TPBG: variants seen among roughly 807,000 people sequenced by gnomAD.
The protein encoded by TPBG is trophoblast glycoprotein.
In TPBG, 13 loss-of-function variants were observed where a neutral mutation model predicts 19.3. The ratio of observed to expected loss-of-function variants is 0.67; its 90% CI spans 0.44 to 1.07. The LOEUF (loss-of-function observed/expected upper bound fraction) is 1.07. Among genes scored for constraint, TPBG ranks in the 50% least tolerant of loss-of-function variants. The pLI is 0.00. For synonymous variants in TPBG, 338 were observed against 259.8 expected, an observed-to-expected ratio of 1.30 and a Z score of -2.89; for missense variants, 642 against 559.6, an observed-to-expected ratio of 1.15 and a Z score of -1.49.
At position 82,365,268 on chromosome 6, in the gene TPBG, C is replaced by T; in HGVS notation, c.307C>T (p.Leu103=). ...CAACCTCTTCCTTACCGGCAACCAG[C>T]TGGCCGTGCTCCCTGCCGGCGCCTT... The part of the protein sequence containing the change: ...VRNLFLTGNQ[L]AVLPAGAFAR... The change falls in exon 2 of 2, where the codon CTG becomes TTG. Residue 103 remains leucine (L), a synonymous_variant. Coordinates refer to ENST00000369750, the MANE Select transcript of TPBG (RefSeq NM_001376922.1). 6.3e-7 allele frequency: 1 copy of T among 1,577,480 alleles called. No homozygotes were observed. Among genetic ancestry groups the T allele is most frequent in the Non-Finnish European group, 8.5e-7 (1 of 1,170,302 alleles).
Position 82,365,730 on chromosome 6 carries a change from C to G in TPBG, c.769C>G (p.Leu257Val), listed in dbSNP as rs141575389. The G allele has an allele frequency of 1.9e-6, 3 of 1,613,000 alleles. No homozygotes were observed. In the African/African-American group the frequency reaches 4.0e-5, roughly 22 times the overall value. Reference protein sequence around the residue: ...VSLTYVSFRNLTHLESLHLED... With the variant: ...VSLTYVSFRNVTHLESLHLED... ...CCTGACCTACGTGTCCTTCCGCAAC[C>G]TGACACATCTAGAAAGCCTCCACCT... The change falls in exon 2 of 2, where the codon CTG becomes GTG. Residue 257 changes from leucine to valine, a missense_variant. By Grantham distance (32) the Leu-to-Val change is conservative. Transcript: ENST00000369750.
rs768030981 is a variant in TPBG at position 82,365,317 on chromosome 6, A to G, written c.356A>G (p.Glu119Gly). Residue 119 changes from glutamate (E) to glycine (G), a missense_variant, in exon 2 of 2, where the codon GAG (glutamate) becomes GGG (glycine). Coordinates refer to ENST00000369750, the MANE Select transcript of TPBG (RefSeq NM_001376922.1). ...GAFARRPPLA[E>G]LAALNLSGSR... Reference sequence around the variant, plus strand: ...TTCGCCCGCCGGCCGCCGCTGGCGGAGCTGGCCGCGCTCAACCTCAGCGGC... The same window carrying G: ...TTCGCCCGCCGGCCGCCGCTGGCGGGGCTGGCCGCGCTCAACCTCAGCGGC... The G allele has an allele frequency of 2.5e-6, 4 of 1,571,636 alleles. No individual in the cohort carries two copies. The African/African-American group carries it at 5.6e-5, about 22-fold the overall frequency.
At position 82,365,071 on chromosome 6, in the gene TPBG, C is replaced by T; in HGVS notation, c.110C>T (p.Ser37Leu). The T allele has an allele frequency of 3.9e-6, 6 of 1,557,358 alleles. No homozygotes were observed. The highest frequency in any genetic ancestry group is 1.4e-5 in the African/African-American group (1 of 73,006). Residue 37 changes from serine to leucine, a missense_variant, in exon 2 of 2, where the codon TCG becomes TTG. Ser to Leu is a moderately radical substitution (Grantham distance 145, BLOSUM62 -2). Coordinates refer to ENST00000369750, the MANE Select transcript of TPBG (RefSeq NM_001376922.1). ...GTCTCCTCGTCTTCTCCCACCTCCT[C>T]GGCATCCTCCTTCTCCTCCTCGGCG... is the stretch of plus-strand genomic sequence containing the variant. ...GWVSSSSPTSSASSFSSSAPF... is the reference protein window; with the variant it reads ...GWVSSSSPTSLASSFSSSAPF...
rs201599531 is a variant in TPBG, at chr6:82,365,696, G to T, written c.735G>T (p.Ser245=). The change falls in exon 2 of 2, where the codon TCG becomes TCT. Residue 245 remains serine, a synonymous_variant. Coordinates refer to ENST00000369750, the MANE Select transcript of TPBG (RefSeq NM_001376922.1). The stretch of plus-strand genomic sequence containing the variant: ...GGCACCTGGACTTAAGTAATAATTC[G>T]CTGGTGAGCCTGACCTACGTGTCCT... ...SLRHLDLSNN[S]LVSLTYVSFR... 44 of 1,605,914 alleles carry T rather than the reference G, an allele frequency of 2.7e-5. No homozygotes were observed. Among genetic ancestry groups the T allele is most frequent in the African/African-American group, 1.9e-4 (14 of 74,708 alleles).
Position 82,365,025 on chromosome 6 carries a change from G to A in TPBG, c.64G>A (p.Ala22Thr), listed in dbSNP as rs145958471. 1 of 1,541,698 alleles carries A rather than the reference G, an allele frequency of 6.5e-7. No homozygotes were observed. Among genetic ancestry groups the A allele is most frequent in the African/African-American group, 1.4e-5 (1 of 71,442 alleles). The stretch of plus-strand genomic sequence containing the variant: ...CGGGCGTCTGCGGCTGGCGCGACTA[G>A]CGCTGGTACTCCTGGGCTGGGTCTC... ...GDGRLRLARL[A>T]LVLLGWVSSS... Residue 22 changes from alanine to threonine, a missense_variant, in exon 2 of 2, where the codon GCG becomes ACG. By Grantham distance (58) the Ala-to-Thr change is moderately conservative. Transcript: ENST00000369750.
chr6:82,365,897 A>G lies in TPBG; in HGVS notation c.936A>G (p.Thr312=). 6.2e-7 allele frequency: 1 copy of G among 1,614,216 alleles called. No individual in the cohort carries two copies. The highest frequency in any genetic ancestry group is 8.5e-7 in the Non-Finnish European group (1 of 1,180,036). The change falls in exon 2 of 2, where the codon ACA becomes ACG. Residue 312 remains threonine, a synonymous_variant. Coordinates refer to ENST00000369750, the MANE Select transcript of TPBG (RefSeq NM_001376922.1). ...ACATGGTGACCTGGCTCAAGGAAAC[A>G]GAGGTAGTGCAGGGCAAAGACCGGC... The part of the protein sequence containing the change: ...MADMVTWLKE[T]EVVQGKDRLT...
At position 82,365,920 on chromosome 6, in the gene TPBG, G is replaced by A; in HGVS notation, c.959G>A (p.Arg320Gln). The A allele has an allele frequency of 1.9e-6, 3 of 1,614,156 alleles. No homozygotes were observed. Among genetic ancestry groups the A allele is most frequent in the Non-Finnish European group, 1.7e-6 (2 of 1,180,030 alleles). Residue 320 changes from arginine (R) to glutamine (Q), a missense_variant, in exon 2 of 2, where the codon CGG (arginine) becomes CAG (glutamine). Transcript: ENST00000369750. ...ACAGAGGTAGTGCAGGGCAAAGACC[G>A]GCTCACCTGTGCATATCCGGAAAAA... ...KETEVVQGKD[R>Q]LTCAYPEKMR... is the part of the protein sequence containing the mutation.
In TPBG at chr6:82,365,187, A is replaced by G; in HGVS notation, c.226A>G (p.Lys76Glu). The G allele has an allele frequency of 1.2e-6, 2 of 1,600,050 alleles. No homozygotes were observed. The highest frequency in any genetic ancestry group is 1.7e-6 in the Non-Finnish European group (2 of 1,175,030). The change falls in exon 2 of 2, where the codon AAG becomes GAG. Residue 76 changes from lysine to glutamate, a missense_variant. Lys to Glu is a moderately conservative substitution (Grantham distance 56). Coordinates refer to ENST00000369750, the MANE Select transcript of TPBG (RefSeq NM_001376922.1). Reference sequence around the variant, plus strand: ...GTGCTCCGAGGCAGCGCGCACAGTCAAGTGCGTTAACCGCAATCTGACCGA... The same window carrying G: ...GTGCTCCGAGGCAGCGCGCACAGTCGAGTGCGTTAACCGCAATCTGACCGA... ...CECSEAARTVKCVNRNLTEVP... is the reference protein window; with the variant it reads ...CECSEAARTVECVNRNLTEVP...
Position 82,365,410 on chromosome 6 carries a change from G to T in TPBG, c.449G>T (p.Ser150Ile). The T allele has an allele frequency of 6.2e-7, 1 of 1,607,190 alleles. No individual in the cohort carries two copies. The highest frequency in any genetic ancestry group is 8.5e-7 in the Non-Finnish European group (1 of 1,177,662). Residue 150 changes from serine to isoleucine, a missense_variant, in exon 2 of 2, where the codon AGC becomes ATC. Ser to Ile is a moderately radical substitution (Grantham distance 142). Transcript: ENST00000369750. ...HLPSLRQLDLSHNPLADLSPF... is the reference protein window; with the variant it reads ...HLPSLRQLDLIHNPLADLSPF... Reference sequence around the variant, plus strand: ...CCCAGCCTGCGCCAGCTCGACCTCAGCCACAACCCACTGGCCGACCTCAGT... The same window carrying T: ...CCCAGCCTGCGCCAGCTCGACCTCATCCACAACCCACTGGCCGACCTCAGT...
In TPBG at chr6:82,365,219, C is replaced by T. The variant is rs150807599; in HGVS notation, c.258C>T (p.Pro86=). The T allele has an allele frequency of 4.4e-5, 70 of 1,594,328 alleles. No homozygotes were observed. In the African/African-American group the frequency reaches 7.3e-4, roughly 17 times the overall value. ...KCVNRNLTEV[P]TDLPAYVRNL... is the part of the protein sequence containing the mutation. ...TTAACCGCAATCTGACCGAGGTGCC[C>T]ACGGACCTGCCCGCCTACGTGCGCA... Residue 86 remains proline (P), a synonymous_variant, in exon 2 of 2, where the codon CCC becomes CCT. Coordinates refer to ENST00000369750, the MANE Select transcript of TPBG (RefSeq NM_001376922.1).
At position 82,366,073 on chromosome 6, in the gene TPBG, TC is replaced by T. The variant is rs1185413852; in HGVS notation, c.1114del (p.Leu372TrpfsTer5). The T allele has an allele frequency of 6.2e-7, 1 of 1,614,098 alleles. No individual in the cohort carries two copies. Among genetic ancestry groups the T allele is most frequent in the African/African-American group, 1.3e-5 (1 of 74,936 alleles). On this transcript the variant is annotated frameshift_variant, in exon 2 of 2. Coordinates refer to ENST00000369750, the MANE Select transcript of TPBG (RefSeq NM_001376922.1). LOFTEE classifies it high-confidence loss of function. The stretch of plus-strand genomic sequence containing the variant: ...TTAGCCCTGATAGGCGCTATTTTCC[TC>T]CTGGTTTTGTATTTGAACCGCAAGG... ...IVLALIGAIF[L>X]LVLYLNRKGI...
Position 82,366,226 on chromosome 6 carries a change from A to AAATT in TPBG, c.*5_*6insTAAT. On this transcript the variant is annotated 3_prime_UTR_variant, in exon 2 of 2. Transcript: ENST00000369750. ...CTCAGTTCTAACTCGGATGTCTGAG[A>AAATT]AATATTAGAGGACAGACCAAGGACA... 1 of 1,575,886 alleles carries AAATT rather than the reference A, an allele frequency of 6.3e-7. No individual in the cohort carries two copies. The highest frequency in any genetic ancestry group is 8.6e-7 in the Non-Finnish European group (1 of 1,162,102).
Position 82,366,522 on chromosome 6 carries a change from T to C in TPBG, c.*298T>C. The C allele has an allele frequency of 3.5e-6, 1 of 289,242 alleles. No homozygotes were observed. The highest frequency in any genetic ancestry group is 6.6e-5 in the East Asian group (1 of 15,132). 17.9% of individuals were successfully genotyped at this position (289,242 alleles called of 1,614,324 possible). ...ATGGGCTTCTTGCTGTCTGTCTCTC[T>C]CTCAGTACAGTTCAAGGTGTAGCAA... On this transcript the variant is annotated 3_prime_UTR_variant, in exon 2 of 2. Transcript: ENST00000369750.
chr6:82,362,995 T>G (rs1767360989), upstream of TPBG, among the ~76,000 whole-genome samples: 1 of 142,774 alleles, frequency 7.0e-6, no homozygotes, highest in African/African-American at 2.5e-5. Flanking sequence ...TCCTCATCCT[T>G]GGAGCTTTCT....
chr6:82,366,147 A>AT lies in TPBG; in HGVS notation c.1187dup (p.Met396IlefsTer9). ...CATCAGAGATGCCTGCAGGGATCAC[A>AT]TGGAAGGGTATCATTACAGATATGA... is the stretch of plus-strand genomic sequence containing the variant. On this transcript the variant is annotated frameshift_variant, in exon 2 of 2. Coordinates refer to ENST00000369750, the MANE Select transcript of TPBG (RefSeq NM_001376922.1). LOFTEE classifies it high-confidence loss of function. 1 of 1,613,950 alleles carries AT rather than the reference A, an allele frequency of 6.2e-7. No homozygotes were observed. The highest frequency in any genetic ancestry group is 2.2e-5 in the East Asian group (1 of 44,872).
rs924120822 is a variant in TPBG, at chr6:82,366,911, AT to A, written c.*688del. 1.8e-5 allele frequency: 3 copies of A among 166,778 alleles called. No individual in the cohort carries two copies. Among genetic ancestry groups the A allele is most frequent in the African/African-American group, 2.4e-5 (1 of 41,486 alleles). The allele number at this position is 166,778 out of a possible 1,614,324, so 10.3% of individuals were successfully genotyped here. A position where few individuals can be genotyped will look rare whatever the true frequency, so the allele number is the denominator to read the frequency against. On this transcript the variant is annotated 3_prime_UTR_variant, in exon 2 of 2. Coordinates refer to ENST00000369750, the MANE Select transcript of TPBG (RefSeq NM_001376922.1). ...GACTGAATTGTTAAAAAAAAAAAAAATAAAGATTCTTAAAAGAATTACAGTG... is the reference window on the plus strand; with the variant it reads ...GACTGAATTGTTAAAAAAAAAAAAAAAAAGATTCTTAAAAGAATTACAGTG...
At position 82,366,192 on chromosome 6, in the gene TPBG, T is replaced by C; in HGVS notation, c.1231T>C (p.Leu411=). 6.2e-7 allele frequency: 1 copy of C among 1,603,008 alleles called. No individual in the cohort carries two copies. The highest frequency in any genetic ancestry group is 8.5e-7 in the Non-Finnish European group (1 of 1,175,008). ...YRYEINADPR[L]TNLSSNSDV ...ATATGAAATCAATGCGGACCCCAGA[T>C]TAACGAACCTCAGTTCTAACTCGGA... Residue 411 remains leucine, a synonymous_variant, in exon 2 of 2, where the codon TTA becomes CTA. Coordinates refer to ENST00000369750, the MANE Select transcript of TPBG (RefSeq NM_001376922.1).
upstream of TPBG, chr6:82,363,529 T>C (rs933646092): frequency 6.6e-6 from 1 of 152,312 alleles, no homozygotes; most frequent in Non-Finnish European, 1.5e-5. Flanking sequence ...GCGGTTTTGC[T>C]CCAGTCCAAG....
At position 82,365,153 on chromosome 6, in the gene TPBG, G is replaced by T. The variant is rs1767450361; in HGVS notation, c.192G>T (p.Ala64=). ...AQPPLPDQCP[A]LCECSEAART... ...CCCCGCTGCCGGACCAGTGCCCCGC[G>T]CTGTGCGAGTGCTCCGAGGCAGCGC... The change falls in exon 2 of 2, where the codon GCG becomes GCT. Residue 64 remains alanine, a synonymous_variant. Coordinates refer to ENST00000369750, the MANE Select transcript of TPBG (RefSeq NM_001376922.1). The T allele has an allele frequency of 1.2e-6, 2 of 1,605,244 alleles. No homozygotes were observed. The highest frequency in any genetic ancestry group is 1.7e-6 in the Non-Finnish European group (2 of 1,176,818).
Sources: allele counts gnomAD v4.1 joint callset (sites outside exome capture counted in the v4.1 genomes callset), GRCh38; gene constraint gnomAD v4.1.1; transcripts MANE v1.5; gene names NCBI Gene and HGNC (gene_info 2026-07-23, HGNC 2026-07-21).